Variants in SH2D1B observed in about 807,000 individuals in gnomAD.
SH2D1B encodes the protein SH2 domain-containing protein 1B.
In SH2D1B, 11 loss-of-function variants were observed where a neutral mutation model predicts 16.3. The ratio of observed to expected loss-of-function variants is 0.67; its 90% CI spans 0.42 to 1.11. SH2D1B has a LOEUF of 1.11. Ranked by LOEUF, SH2D1B falls within the 50% of genes most tolerant of loss-of-function variation. The probability of loss-of-function intolerance (pLI) is 0.00; values close to 1 mark genes in which losing one functional copy is unlikely to be tolerated. For missense variants in SH2D1B, 123 were observed against 153.1 expected (o/e 0.80, Z 1.04); for synonymous variants, 55 against 56.1 (o/e 0.98, Z 0.09).
intron 1 of SH2D1B, among the ~76,000 whole-genome samples, chr1:162,403,630 A>T (rs1342852572): frequency 4.8e-5 from 7 of 144,620 alleles, no homozygotes; most frequent in African/African-American, 1.8e-4. Flanking sequence ...TCCCACTTTT[A>T]TTGCAATATT....
At chr1:162,402,652 C>T (rs1056486696) in intron 2 of SH2D1B, 87 bp downstream of exon 2, 1 of 1,106,746 alleles carries the variant, frequency 9.0e-7, no homozygotes, top group Non-Finnish European at 1.4e-6. Context: ...TGCTTTCGCA[C>T]AGTCATGGCT....
Position 162,395,709 on chromosome 1 carries a change from T to A in SH2D1B, c.*1571A>T, listed in dbSNP as rs1410363978. 6.6e-6 allele frequency: 1 copy of A among 152,124 alleles called. No individual in the cohort carries two copies. The highest frequency in any genetic ancestry group is 1.5e-5 in the Non-Finnish European group (1 of 68,024). 9.4% of individuals were successfully genotyped at this position (152,124 alleles called of 1,614,324 possible). ...GGGTTAACATTTCACCAACACCATA[T>A]CCTATTAGAAATGTAATAAAACATA... On this transcript the variant is annotated 3_prime_UTR_variant, in exon 4 of 4. Transcript: ENST00000367929.
intron 2 of SH2D1B, among the ~76,000 whole-genome samples, chr1:162,401,030 C>T (rs1648505991): frequency 6.6e-6 from 1 of 152,124 alleles, no homozygotes; most frequent in African/African-American, 2.4e-5. Flanking sequence ...CATATGGCCA[C>T]CAAGTCAGAC....
rs767430804 is a variant in SH2D1B, at chr1:162,402,805, G to A, written c.135-3C>T. 1.9e-6 allele frequency: 3 copies of A among 1,612,322 alleles called. No individual in the cohort carries two copies. The highest frequency in any genetic ancestry group is 2.2e-5 in the East Asian group (1 of 44,868). On this transcript the variant is annotated splice_region_variant and splice_polypyrimidine_tract_variant and intron_variant, in intron 1 of 3. Coordinates refer to ENST00000367929, the MANE Select transcript of SH2D1B (RefSeq NM_053282.5). ...ATGTGTAGACAATATTTTTAAACCT[G>A]TGGAAAAAATGACTGTGTGAATCAA...
chr1:162,403,322 C>G (rs55795359), intron 1 of SH2D1B, among the ~76,000 whole-genome samples: 1 of 150,852 alleles, frequency 6.6e-6, no homozygotes, highest in Non-Finnish European at 1.5e-5. Flanking sequence ...AACCACGTCT[C>G]TACTAAAAAT....
intron 1 of SH2D1B, among the ~76,000 whole-genome samples, chr1:162,411,656 G>C (rs1372017371): frequency 6.6e-6 from 1 of 152,076 alleles, no homozygotes; most frequent in African/African-American, 2.4e-5. Flanking sequence ...TGTCCCTCCT[G>C]CTGCTGCAGA....
At chr1:162,407,454 T>C (rs1480013115) in intron 1 of SH2D1B, among the ~76,000 whole-genome samples, 1 of 152,180 alleles carries the variant, frequency 6.6e-6, no homozygotes, top group East Asian at 1.9e-4. Context: ...TATTAGCAAT[T>C]TGGCCCTAGG....
chr1:162,399,180 T>C, intron 2 of SH2D1B, 93 bp from the exon 3 acceptor site: 3 of 1,237,300 alleles, frequency 2.4e-6, no homozygotes, highest in Non-Finnish European at 3.4e-6. Context: ...AGGGCTGCCC[T>C]TCTATGAGCT....
At chr1:162,398,808 C>T (rs907742714) in intron 3 of SH2D1B, 115 bp downstream of exon 3, 5 of 1,287,058 alleles carry the variant, frequency 3.9e-6, no homozygotes, top group Admixed American at 2.3e-5. Context: ...TAGGATGAAG[C>T]TTTTTAGAGA....
At chr1:162,406,002 T>G (rs1184587779) in intron 1 of SH2D1B, among the ~76,000 whole-genome samples, 4 of 152,192 alleles carry the variant, frequency 2.6e-5, no homozygotes, top group Non-Finnish European at 5.9e-5. Flanking sequence ...CTGAAGGAAA[T>G]GGAATCGACT....
At position 162,397,264 on chromosome 1, in the gene SH2D1B, T is replaced by G. The variant is rs2101856373; in HGVS notation, c.*16A>C. On this transcript the variant is annotated 3_prime_UTR_variant, in exon 4 of 4. Transcript: ENST00000367929. Reference sequence around the variant, plus strand: ...TTACTCATCTCTTCAACTTGCTTTGTCCGGCAGCCTTATCTTCAAGGCAAG... The same window carrying G: ...TTACTCATCTCTTCAACTTGCTTTGGCCGGCAGCCTTATCTTCAAGGCAAG... 6.2e-7 allele frequency: 1 copy of G among 1,613,772 alleles called. No individual in the cohort carries two copies. The highest frequency in any genetic ancestry group is 2.2e-5 in the East Asian group (1 of 44,878).
chr1:162,398,633 T>G (rs938006397), intron 3 of SH2D1B, among the ~76,000 whole-genome samples: 6 of 152,250 alleles, frequency 3.9e-5, no homozygotes, highest in African/African-American at 1.4e-4. Context: ...TGCCCATTTA[T>G]TCTCAAACTT....
In SH2D1B at chr1:162,411,534, T is replaced by A. The variant is rs1007526763; in HGVS notation, c.134+349A>T. The stretch of plus-strand genomic sequence containing the variant: ...AAATTTCTTGAAGAACCCCTAGCCT[T>A]TTCCATACCAAATAAACAGATCTCT... On this transcript the variant is annotated intron_variant, in intron 1 of 3. Transcript: ENST00000367929. 3.3e-5 allele frequency among the ~76,000 whole-genome samples: 5 copies of A among 152,212 alleles called. 1 individual carries two copies. The highest frequency in any genetic ancestry group is 1.2e-4 in the African/African-American group (5 of 41,442).
At chr1:162,400,286 C>CTTTTTT (rs1241054289) in intron 2 of SH2D1B, among the ~76,000 whole-genome samples, 21 of 83,284 alleles carry the variant, frequency 2.5e-4, no homozygotes, top group Admixed American at 3.5e-4. Context: ...ACACCACGTA[C>CTTTTTT]TTTTTTTTTT....
At chr1:162,409,287 T>G (rs1301111907) in intron 1 of SH2D1B, among the ~76,000 whole-genome samples, 1 of 152,098 alleles carries the variant, frequency 6.6e-6, no homozygotes, top group Non-Finnish European at 1.5e-5. Flanking sequence ...TTGCCATCAT[T>G]TCCCAGCTTC....
chr1:162,406,760 T>C (rs1232115858), intron 1 of SH2D1B, among the ~76,000 whole-genome samples: 1 of 152,236 alleles, frequency 6.6e-6, no homozygotes, highest in Non-Finnish European at 1.5e-5. Context: ...TTATTATTCT[T>C]AATGAGAGCA....
intron 1 of SH2D1B, among the ~76,000 whole-genome samples, chr1:162,408,444 C>G (rs1314415148): frequency 1.4e-5 from 2 of 137,976 alleles, no homozygotes; most frequent in Non-Finnish European, 3.0e-5. Context: ...GATCAAGTCT[C>G]GCTCTGTAAC....
intron 1 of SH2D1B, among the ~76,000 whole-genome samples, chr1:162,403,692 GAAGA>G (rs147821058): frequency 0.12 from 13,886 of 113,250 alleles, 890 homozygotes; most frequent in Admixed American, 0.19. Context: ...ATAGATGAAT[GAAGA>G]AAGTTACACA....
intron 1 of SH2D1B, among the ~76,000 whole-genome samples, chr1:162,403,502 AAAAAAAAAAATATATATATATATAT>A (rs1557911006): frequency 2.3e-5 from 1 of 44,302 alleles, no homozygotes; most frequent in Admixed American, 3.3e-4. Context: ...AAAAAAAAAA[AAAAAAAAAAATATATATATATATAT>A]ATATATATAT....
Sources: gnomAD v4.1 joint callset for allele counts (sites outside exome capture counted in the v4.1 genomes callset) on GRCh38, gnomAD v4.1.1 for gene constraint, MANE v1.5 for transcripts, NCBI Gene and HGNC (gene_info 2026-07-23, HGNC 2026-07-21) for gene names.